Variants in EPB41L5 observed in about 807,000 individuals in gnomAD.
EPB41L5 encodes the protein band 4.1-like protein 5.
A neutral mutation model predicts 106.6 loss-of-function variants in EPB41L5; 55 were observed. That is an observed-to-expected ratio of 0.52 (90% CI 0.42 to 0.65). The LOEUF (loss-of-function observed/expected upper bound fraction) is 0.65. EPB41L5 is among the 30% of genes least tolerant of loss of function. EPB41L5 has a pLI of 0.00. For missense variants in EPB41L5, 871 were observed against 882.1 expected (o/e 0.99, Z 0.16); for synonymous variants, 297 against 306.7 (o/e 0.97, Z 0.33).
intron 3 of EPB41L5, among the ~76,000 whole-genome samples, chr2:120,070,246 T>C (rs986074779): frequency 6.6e-6 from 1 of 152,124 alleles, no homozygotes; most frequent in Non-Finnish European, 1.5e-5. Flanking sequence ...ATGGATAAAT[T>C]CCTGGACACA....
At chr2:120,085,789 G>C (rs1441047887) in intron 10 of EPB41L5, among the ~76,000 whole-genome samples, 1 of 152,138 alleles carries the variant, frequency 6.6e-6, no homozygotes, top group African/African-American at 2.4e-5. Flanking sequence ...CCTCCAGCTT[G>C]TCCTGTGGGC....
chr2:120,162,804 C>G (rs953497503), intron 21 of EPB41L5, among the ~76,000 whole-genome samples: 1 of 152,190 alleles, frequency 6.6e-6, no homozygotes, highest in Non-Finnish European at 1.5e-5. Flanking sequence ...GGTAGACTTG[C>G]ACAAGCTGTT....
At chr2:120,164,728 A>G in intron 21 of EPB41L5, 108 bp from the exon 22 acceptor site, 1 of 685,190 alleles carries the variant, frequency 1.5e-6, no homozygotes, top group Non-Finnish European at 2.5e-6. Context: ...TAAAGGATTA[A>G]CACTAATCAG....
chr2:120,163,489 G>T (rs1451529673), intron 21 of EPB41L5, among the ~76,000 whole-genome samples: 1 of 151,212 alleles, frequency 6.6e-6, no homozygotes, highest in African/African-American at 2.4e-5. Flanking sequence ...AGTTCATATT[G>T]TATTATTTTA....
intron 16 of EPB41L5, among the ~76,000 whole-genome samples, chr2:120,127,283 A>C (rs549753420): frequency 3.9e-5 from 6 of 152,182 alleles, no homozygotes; most frequent in Non-Finnish European, 8.8e-5. Flanking sequence ...ATTTGAGATA[A>C]AAACTTTTCC....
chr2:120,063,866 C>T (rs1316778172), intron 3 of EPB41L5, among the ~76,000 whole-genome samples: 2 of 151,480 alleles, frequency 1.3e-5, no homozygotes, highest in African/African-American at 4.9e-5. Context: ...CGCTTGAACC[C>T]GGGAGGCGGA....
At chr2:120,166,777 C>T (rs1687432503) in intron 22 of EPB41L5, among the ~76,000 whole-genome samples, 1 of 152,214 alleles carries the variant, frequency 6.6e-6, no homozygotes, top group Non-Finnish European at 1.5e-5. Context: ...TTACTAATAC[C>T]TGGACTTACA....
rs186502543 is a variant in EPB41L5 at position 120,027,591 on chromosome 2, G to A, written c.180+8327G>A. ...ATATATGGACTTTCTTTTTTTTAGGGATGGTGTCTTGCTACGTTGTCCAGG... is the reference window on the plus strand; with the variant it reads ...ATATATGGACTTTCTTTTTTTTAGGAATGGTGTCTTGCTACGTTGTCCAGG... On this transcript the variant is annotated intron_variant, in intron 2 of 24. Transcript: ENST00000263713. Among the ~76,000 whole-genome samples the A allele has an allele frequency of 1.9e-3, 292 of 152,212 alleles. 1 individual carries two copies. The highest frequency in any genetic ancestry group is 3.7e-3 in the Admixed American group (56 of 15,284).
rs1344969681 is a variant in EPB41L5, at chr2:120,160,946, C to T, written c.1859C>T (p.Thr620Ile). The change falls in exon 21 of 25, where the codon ACA becomes ATA. Residue 620 changes from threonine to isoleucine, a missense_variant. Transcript: ENST00000263713. The part of the protein sequence containing the change: ...KESLETLMLI[T>I]PADSGSVLKE... ...TCTCTTGAGACTCTGATGCTTATCA[C>T]ACCTGCCGACAGTGGTTCTGTTCTA... is the stretch of plus-strand genomic sequence containing the variant. 7 of 1,613,870 alleles carry T rather than the reference C, an allele frequency of 4.3e-6. No individual in the cohort carries two copies. Among genetic ancestry groups the T allele is most frequent in the Middle Eastern group, 1.7e-4 (1 of 6,060 alleles).
At chr2:120,043,222 A>G (rs933673878) in intron 3 of EPB41L5, among the ~76,000 whole-genome samples, 1 of 152,074 alleles carries the variant, frequency 6.6e-6, no homozygotes, top group Non-Finnish European at 1.5e-5. Flanking sequence ...CATCCTTGAA[A>G]TTAATACTAT....
rs528984889 is a variant in EPB41L5 at position 120,080,172 on chromosome 2, G to A, written c.803+1591G>A. Among the ~76,000 whole-genome samples, 17 of 149,662 alleles carry A rather than the reference G, an allele frequency of 1.1e-4. No individual in the cohort carries two copies. The South Asian group carries it at 1.3e-3, about 11-fold the overall frequency. On this transcript the variant is annotated intron_variant, in intron 10 of 24. Transcript: ENST00000263713. The stretch of plus-strand genomic sequence containing the variant: ...TGTGCAAAGTGTGCAGGTTTGTTAC[G>A]TATGTATACATGCGCCAAGTTGGTG...
intron 2 of EPB41L5, among the ~76,000 whole-genome samples, chr2:120,020,377 G>T (rs112713916): frequency 4.1e-4 from 62 of 152,272 alleles, no homozygotes; most frequent in African/African-American, 1.4e-3. Flanking sequence ...AATTTGGAAT[G>T]TATTAGATAT....
intron 20 of EPB41L5, among the ~76,000 whole-genome samples, chr2:120,155,026 A>G (rs909656006): frequency 5.3e-5 from 8 of 152,238 alleles, no homozygotes; most frequent in South Asian, 2.1e-4. Context: ...GGAATAAAAG[A>G]GAAGTTATAC....
intron 13 of EPB41L5, among the ~76,000 whole-genome samples, chr2:120,092,008 TTTTATTTATTTATTTATTTA>T (rs145583905): frequency 6.8e-6 from 1 of 146,656 alleles, no homozygotes; most frequent in Non-Finnish European, 1.5e-5. Flanking sequence ...TTAAAAACAT[TTTTATTTATTTATTTATTTA>T]TTTATTTATT....
At position 120,160,745 on chromosome 2, in the gene EPB41L5, T is replaced by C. The variant is rs1386096044; in HGVS notation, c.1794-136T>C. On this transcript the variant is annotated intron_variant, in intron 20 of 24. Coordinates refer to ENST00000263713, the MANE Select transcript of EPB41L5 (RefSeq NM_020909.4). ...ATCATAGTTTGGATTTACATTTCCC[T>C]GATGATTTTGAGCATTTTTTCATAT... 4.1e-5 allele frequency: 26 copies of C among 632,174 alleles called. No individual in the cohort carries two copies. In the East Asian group the frequency reaches 6.8e-4, roughly 16 times the overall value. The allele number at this position is 632,174 out of a possible 1,614,324, so 39.2% of individuals were successfully genotyped here.
Position 120,143,043 on chromosome 2 carries a change from T to G in EPB41L5, c.1640T>G (p.Val547Gly), listed in dbSNP as rs201588157. ...VKLTEKCLNN[V>G]IESPGLNVMR... Reference sequence around the variant, plus strand: ...TTGACTGAGAAATGCCTTAATAATGTCATTGAGAGCCCAGGATTGAATGTC... The same window carrying G: ...TTGACTGAGAAATGCCTTAATAATGGCATTGAGAGCCCAGGATTGAATGTC... The change falls in exon 19 of 25, where the codon GTC becomes GGC. Residue 547 changes from valine (V) to glycine (G), a missense_variant. Val to Gly is a moderately radical substitution (Grantham distance 109). Coordinates refer to ENST00000263713, the MANE Select transcript of EPB41L5 (RefSeq NM_020909.4). The G allele has an allele frequency of 5.6e-6, 9 of 1,612,964 alleles. No individual in the cohort carries two copies. The East Asian group carries it at 2.0e-4, about 36-fold the overall frequency.
At position 120,075,884 on chromosome 2, in the gene EPB41L5, C is replaced by T. The variant is rs957131620; in HGVS notation, c.505+131C>T. The T allele has an allele frequency of 4.2e-6, 3 of 719,558 alleles. No homozygotes were observed. The South Asian group carries it at 5.2e-5, about 12-fold the overall frequency. The allele number at this position is 719,558 out of a possible 1,614,324, so 44.6% of individuals were successfully genotyped here. A position where few individuals can be genotyped will look rare whatever the true frequency, so the allele number is the denominator to read the frequency against. On this transcript the variant is annotated intron_variant, in intron 7 of 24. Transcript: ENST00000263713. ...TTTTTGTATAAACTTGTATCAGGGTCCAACTCTGACTTTTACTTGTTTTAG... is the reference window on the plus strand; with the variant it reads ...TTTTTGTATAAACTTGTATCAGGGTTCAACTCTGACTTTTACTTGTTTTAG...
intron 24 of EPB41L5, among the ~76,000 whole-genome samples, chr2:120,173,093 A>G (rs980904875): frequency 6.6e-6 from 1 of 152,232 alleles, no homozygotes; most frequent in African/African-American, 2.4e-5. Context: ...CCACTAAGCC[A>G]TCACGACAAC....
chr2:120,024,488 A>G (rs559496159), intron 2 of EPB41L5, among the ~76,000 whole-genome samples: 4 of 151,972 alleles, frequency 2.6e-5, no homozygotes, highest in Admixed American at 2.0e-4. Flanking sequence ...ATGAAATCTC[A>G]CTCTGTTGCC....
Sources: allele counts gnomAD v4.1 joint callset (sites outside exome capture counted in the v4.1 genomes callset), GRCh38; gene constraint gnomAD v4.1.1; transcripts MANE v1.5; gene names NCBI Gene and HGNC (gene_info 2026-07-23, HGNC 2026-07-21).